Variants in YEATS4 observed in about 807,000 individuals in gnomAD.
YEATS4 encodes YEATS domain-containing protein 4.
Under a neutral mutation model 30.1 loss-of-function variants are expected in YEATS4, and 17 were observed. That is an observed-to-expected ratio of 0.56 (90% CI 0.39 to 0.85). The LOEUF is 0.85. YEATS4 is among the 40% of genes least tolerant of loss of function. The pLI is 0.00. For synonymous variants in YEATS4, 85 were observed against 87.5 expected, an observed-to-expected ratio of 0.97 and a Z score of 0.16; for missense variants, 142 against 268.3, an observed-to-expected ratio of 0.53 and a Z score of 3.29.
chr12:69,359,764 C>T lies in YEATS4; in HGVS notation c.-209C>T, dbSNP rs1875101908. 1.7e-6 allele frequency: 1 copy of T among 581,392 alleles called. No individual in the cohort carries two copies. The highest frequency in any genetic ancestry group is 2.3e-5 in the South Asian group (1 of 43,250). The allele number at this position is 581,392 out of a possible 1,614,324, so 36.0% of individuals were successfully genotyped here. ...GCCCCTCTTTTCGCGGCGTTCTCCA[C>T]CTGCGCGGGCCTGAATGGCCTTCAG... On this transcript the variant is annotated 5_prime_UTR_variant, in exon 1 of 7. Coordinates refer to ENST00000247843, the MANE Select transcript of YEATS4 (RefSeq NM_006530.4).
In YEATS4 at chr12:69,365,777, T is replaced by C; in HGVS notation, c.239-13T>C. 1 of 1,606,936 alleles carries C rather than the reference T, an allele frequency of 6.2e-7. No homozygotes were observed. On this transcript the variant is annotated splice_polypyrimidine_tract_variant and intron_variant, in intron 3 of 6. Transcript: ENST00000247843. ...ACTAAACCGATAATTTACTATTTTT[T>C]TTCTGTCTTTAGTTGTTACTAAACC...
chr12:69,359,902 C>T lies in YEATS4; in HGVS notation c.-71C>T, dbSNP rs1417168394. ...GGCCCGCGCGACAGGAGCGCGGTCT[C>T]TGAGGGGAGCGGCGACCCCGCCAGC... On this transcript the variant is annotated 5_prime_UTR_variant, in exon 1 of 7. Transcript: ENST00000247843. The T allele has an allele frequency of 6.3e-7, 1 of 1,597,876 alleles. No individual in the cohort carries two copies.
At chr12:69,406,874 G>T in the YEATS4 span, among the ~76,000 whole-genome samples, 1 of 151,658 alleles carries the variant, frequency 6.6e-6, no homozygotes, top group South Asian at 2.1e-4. Flanking sequence ...GAGTGCAGTG[G>T]TGTGATCACA....
At chr12:69,401,417 G>T in the YEATS4 span, among the ~76,000 whole-genome samples, 1 of 152,152 alleles carries the variant, frequency 6.6e-6, no homozygotes, top group African/African-American at 2.4e-5. Context: ...GCTGGTGTTG[G>T]GGAGCATGAG....
intron 6 of YEATS4, among the ~76,000 whole-genome samples, chr12:69,388,032 T>G (rs566407603): frequency 6.7e-6 from 1 of 148,480 alleles, no homozygotes; most frequent in Non-Finnish European, 1.5e-5. Flanking sequence ...CTCATTAATA[T>G]TCATTGAATT....
At chr12:69,417,333 G>T in the YEATS4 span, among the ~76,000 whole-genome samples, 2 of 150,228 alleles carry the variant, frequency 1.3e-5, no homozygotes, top group Non-Finnish European at 3.0e-5. Flanking sequence ...CTAATTTTTT[G>T]ATGTTTTGTT....
chr12:69,365,909 TATAAA>T, intron 4 of YEATS4, 25 bp downstream of exon 4: 1 of 1,479,928 alleles, frequency 6.8e-7, no homozygotes. Context: ...TCTTTGTAAA[TATAAA>T]ATAGATTTCT....
the YEATS4 span, among the ~76,000 whole-genome samples, chr12:69,424,949 T>C: frequency 0.72 from 110,159 of 151,988 alleles, 40,331 homozygotes; most frequent in African/African-American, 0.83. Context: ...GACGGAGTTT[T>C]GCTCTTGTTG....
chr12:69,416,839 G>A, the YEATS4 span, among the ~76,000 whole-genome samples: 10 of 152,182 alleles, frequency 6.6e-5, no homozygotes, highest in African/African-American at 9.7e-5. Context: ...TCGGGAGGCC[G>A]AGGTGGGTGG....
chr12:69,360,132 G>A (rs1357577652), intron 1 of YEATS4, 109 bp downstream of exon 1: 2 of 1,265,740 alleles, frequency 1.6e-6, no homozygotes, highest in East Asian at 2.8e-5. Flanking sequence ...TTCTCCTCGG[G>A]TTTGAACCGT....
At chr12:69,393,313 G>GAAAAATTGGC (rs1253200888), downstream of YEATS4, among the ~76,000 whole-genome samples, 1 of 152,034 alleles carries the variant, frequency 6.6e-6, no homozygotes, top group Non-Finnish European at 1.5e-5. Flanking sequence ...ACAAACAACA[G>GAAAAATTGGC]AAAAATTGGC....
chr12:69,360,789 G>A (rs1198103512), intron 1 of YEATS4, among the ~76,000 whole-genome samples: 1 of 150,374 alleles, frequency 6.7e-6, no homozygotes, highest in Non-Finnish European at 1.5e-5. Flanking sequence ...GTGAGCCACC[G>A]CGCCCAGCCG....
chr12:69,424,183 G>C, the YEATS4 span, among the ~76,000 whole-genome samples: 1 of 152,192 alleles, frequency 6.6e-6, no homozygotes, highest in Non-Finnish European at 1.5e-5. Flanking sequence ...AACTTACCAA[G>C]TCAATAATGA....
chr12:69,364,224 G>A (rs1052555580), intron 2 of YEATS4: 2 of 443,616 alleles, frequency 4.5e-6, no homozygotes, highest in Non-Finnish European at 4.5e-6. Context: ...AGGCCCAAGC[G>A]GGAGGATCGC....
chr12:69,399,646 C>G, the YEATS4 span, among the ~76,000 whole-genome samples: 1 of 151,864 alleles, frequency 6.6e-6, no homozygotes, highest in Non-Finnish European at 1.5e-5. Context: ...AGATATATAC[C>G]CAGGAGAATT....
At chr12:69,384,442 T>C (rs923013824) in intron 6 of YEATS4, among the ~76,000 whole-genome samples, 2 of 152,222 alleles carry the variant, frequency 1.3e-5, no homozygotes, top group South Asian at 4.1e-4. Flanking sequence ...AATTAAGTTT[T>C]CTGTGTGATC....
the YEATS4 span, among the ~76,000 whole-genome samples, chr12:69,409,565 C>T: frequency 2.6e-5 from 4 of 151,096 alleles, no homozygotes; most frequent in South Asian, 2.1e-4. Flanking sequence ...TGCAGTGAGC[C>T]GAGATTGTGC....
chr12:69,374,734 A>G (rs1025236453), intron 6 of YEATS4, among the ~76,000 whole-genome samples: 2 of 151,384 alleles, frequency 1.3e-5, no homozygotes, highest in Non-Finnish European at 2.9e-5. Context: ...AGGCAGAAGA[A>G]TTTTTCTTAG....
chr12:69,389,920 T>C (rs748753974), intron 6 of YEATS4, among the ~76,000 whole-genome samples: 2 of 152,156 alleles, frequency 1.3e-5, no homozygotes, highest in Non-Finnish European at 2.9e-5. Context: ...TGTGAGTTGG[T>C]GACCAGAATT....
Sources: gnomAD v4.1 joint callset for allele counts (sites outside exome capture counted in the v4.1 genomes callset) on GRCh38, gnomAD v4.1.1 for gene constraint, MANE v1.5 for transcripts, NCBI Gene and HGNC (gene_info 2026-07-23, HGNC 2026-07-21) for gene names.